The following CSMD1 variants were observed in gnomAD, a reference collection of about 807,000 sequenced individuals.
CSMD1 encodes CUB and sushi domain-containing protein 1.
A neutral mutation model predicts 417.5 loss-of-function variants in CSMD1; 213 were observed. The ratio of observed to expected loss-of-function variants is 0.51; its 90% confidence interval spans 0.46 to 0.57. CSMD1 has a LOEUF of 0.57. Ranked by LOEUF, CSMD1 falls within the 20% of genes least tolerant of loss-of-function variation. The pLI is 0.00. For synonymous variants in CSMD1, 2,862 were observed against 1,736.8 expected (o/e 1.65, Z -16.11); for missense variants, 6,923 against 4,529.7 (o/e 1.53, Z -15.17).
intron 28 of CSMD1, among the ~76,000 whole-genome samples, chr8:3,221,371 G>C (rs920305281): frequency 3.9e-5 from 6 of 152,288 alleles, no homozygotes; most frequent in South Asian, 2.1e-4. Flanking sequence ...TAGCAGGAAT[G>C]GTGTGGGTTA....
chr8:3,149,166 T>TC (rs1186923640), intron 40 of CSMD1, among the ~76,000 whole-genome samples: 4 of 152,156 alleles, frequency 2.6e-5, no homozygotes, highest in Non-Finnish European at 5.9e-5. Flanking sequence ...TGAAGTTTTT[T>TC]CCCAAATTAT....
chr8:4,452,409 A>G (rs1799200601), intron 2 of CSMD1, among the ~76,000 whole-genome samples: 1 of 152,208 alleles, frequency 6.6e-6, no homozygotes, highest in Non-Finnish European at 1.5e-5. Flanking sequence ...TCAGAGGTTC[A>G]TGTTCTTACA....
At position 3,229,506 on chromosome 8, in the gene CSMD1, T is replaced by C. The variant is rs535958880; in HGVS notation, c.4345+534A>G. On this transcript the variant is annotated intron_variant, in intron 27 of 69. Transcript: ENST00000635120. ...TCTGCAAAATCATTTGTTATCCTTTTAATAAGGTCAAACTATAAAATGTCA... is the reference window on the plus strand; with the variant it reads ...TCTGCAAAATCATTTGTTATCCTTTCAATAAGGTCAAACTATAAAATGTCA... Among the ~76,000 whole-genome samples, 196 of 152,308 alleles carry C rather than the reference T, an allele frequency of 1.3e-3. 2 individuals are homozygous for C. Among genetic ancestry groups the C allele is most frequent in the African/African-American group, 4.6e-3 (192 of 41,578 alleles).
intron 3 of CSMD1, among the ~76,000 whole-genome samples, chr8:4,144,307 T>TA (rs1251345139): frequency 6.6e-6 from 1 of 151,218 alleles, no homozygotes; most frequent in African/African-American, 2.5e-5. Context: ...ATACCCCACT[T>TA]AAACATGTCC....
Position 3,431,441 on chromosome 8 carries a change from T to C in CSMD1, c.1562-21836A>G, listed in dbSNP as rs1457980189. Among the ~76,000 whole-genome samples the C allele has an allele frequency of 2.0e-5, 3 of 152,314 alleles. 1 individual carries two copies. Among genetic ancestry groups the C allele is most frequent in the South Asian group, 4.1e-4 (2 of 4,822 alleles). On this transcript the variant is annotated intron_variant, in intron 12 of 69. Transcript: ENST00000635120. Reference sequence around the variant, plus strand: ...GTTTGTCTTTTCCCGGAAGTCAGCATGTCACTTTCAGTTTTAAAAGGCTAT... The same window carrying C: ...GTTTGTCTTTTCCCGGAAGTCAGCACGTCACTTTCAGTTTTAAAAGGCTAT...
chr8:3,955,373 G>A (rs868515968), intron 5 of CSMD1, among the ~76,000 whole-genome samples: 4 of 152,146 alleles, frequency 2.6e-5, no homozygotes, highest in African/African-American at 7.2e-5. Context: ...TCATCTTACT[G>A]GTTCAGAGAT....
At chr8:4,822,042 C>G (rs1304982032) in intron 1 of CSMD1, among the ~76,000 whole-genome samples, 4 of 151,978 alleles carry the variant, frequency 2.6e-5, no homozygotes, top group African/African-American at 9.7e-5. Context: ...TATTACATTC[C>G]CTCTTTCCCT....
chr8:4,688,022 G>A (rs531743426), intron 1 of CSMD1, among the ~76,000 whole-genome samples: 1 of 152,216 alleles, frequency 6.6e-6, no homozygotes, highest in South Asian at 2.1e-4. Flanking sequence ...TACCTACACT[G>A]TTCCATTTTT....
intron 2 of CSMD1, among the ~76,000 whole-genome samples, chr8:4,480,167 G>C (rs890110505): frequency 7.6e-5 from 11 of 145,298 alleles, no homozygotes; most frequent in East Asian, 4.0e-4. Context: ...CTAATACCAC[G>C]AGAGTGCATT....
intron 11 of CSMD1, among the ~76,000 whole-genome samples, chr8:3,474,481 T>G (rs768381776): frequency 1.3e-5 from 2 of 152,104 alleles, no homozygotes; most frequent in African/African-American, 4.8e-5. Flanking sequence ...CACCAAAAAT[T>G]TGGTAAACAG....
At chr8:4,793,749 G>A (rs138455008) in intron 1 of CSMD1, among the ~76,000 whole-genome samples, 1 of 150,666 alleles carries the variant, frequency 6.6e-6, no homozygotes, top group Non-Finnish European at 1.5e-5. Flanking sequence ...TTGGGATGTG[G>A]ACATTCGTTT....
At chr8:3,102,543 G>A (rs1281644024) in intron 46 of CSMD1, among the ~76,000 whole-genome samples, 1 of 152,156 alleles carries the variant, frequency 6.6e-6, no homozygotes, top group East Asian at 1.9e-4. Context: ...ATGTTGTGTT[G>A]ATTTAGACAT....
chr8:2,983,291 A>G (rs1805582991), intron 54 of CSMD1, among the ~76,000 whole-genome samples: 1 of 152,002 alleles, frequency 6.6e-6, no homozygotes, highest in African/African-American at 2.4e-5. Flanking sequence ...GATTCACGCC[A>G]TTCTCCTGCC....
chr8:4,215,355 T>C lies in CSMD1; in HGVS notation c.416-183256A>G, dbSNP rs192963428. ...TTAGATGTCCACAGATGGCACTTCC[T>C]TTCTTGCAAAAATTTTAGATAGAAC... is the stretch of plus-strand genomic sequence containing the variant. On this transcript the variant is annotated intron_variant, in intron 3 of 69. Coordinates refer to ENST00000635120, the MANE Select transcript of CSMD1 (RefSeq NM_033225.6). Among the ~76,000 whole-genome samples the C allele has an allele frequency of 2.2e-4, 34 of 152,336 alleles. No individual in the cohort carries two copies. In the East Asian group the frequency reaches 6.2e-3, roughly 28 times the overall value.
chr8:4,113,707 G>A (rs931579049), intron 3 of CSMD1, among the ~76,000 whole-genome samples: 1 of 152,126 alleles, frequency 6.6e-6, no homozygotes, highest in Admixed American at 6.5e-5. Context: ...CCCAGCCAGT[G>A]CTACTCTTAT....
At chr8:4,116,331 T>G (rs928424055) in intron 3 of CSMD1, among the ~76,000 whole-genome samples, 1 of 152,148 alleles carries the variant, frequency 6.6e-6, no homozygotes, top group African/African-American at 2.4e-5. Context: ...CCACTCTGTA[T>G]GATACTATAA....
chr8:3,913,664 C>G (rs1020657469), intron 5 of CSMD1, among the ~76,000 whole-genome samples: 2 of 152,030 alleles, frequency 1.3e-5, no homozygotes, highest in African/African-American at 4.8e-5. Flanking sequence ...TGGGTCAGGG[C>G]CATCGAAATA....
chr8:4,781,190 G>A (rs577403356), intron 1 of CSMD1, among the ~76,000 whole-genome samples: 20 of 152,226 alleles, frequency 1.3e-4, no homozygotes, highest in African/African-American at 3.4e-4. Context: ...ATACATCTCC[G>A]CAAGAAAGGA....
intron 3 of CSMD1, among the ~76,000 whole-genome samples, chr8:4,260,055 G>A (rs1803759884): frequency 6.6e-6 from 1 of 151,466 alleles, no homozygotes; most frequent in Non-Finnish European, 1.5e-5. Flanking sequence ...ACTTGAAAGG[G>A]AAGTGTTGTC....
Sources: gnomAD v4.1 joint callset for allele counts (sites outside exome capture counted in the v4.1 genomes callset) on GRCh38, gnomAD v4.1.1 for gene constraint, MANE v1.5 for transcripts, NCBI Gene and HGNC (gene_info 2026-07-23, HGNC 2026-07-21) for gene names.